The following FREM1 variants were observed in gnomAD, a reference collection of about 807,000 sequenced individuals.
FREM1 encodes the protein FRAS1-related extracellular matrix protein 1.
FREM1 carries 220 observed loss-of-function variants against 210.1 expected under a neutral mutation model. The ratio of observed to expected loss-of-function variants is 1.05; its 90% CI spans 0.94 to 1.17. The LOEUF is 1.17. Among genes scored for constraint, FREM1 ranks in the 50% most tolerant of loss-of-function variants. The pLI, the probability that FREM1 is intolerant of heterozygous loss-of-function variation, is 0.00. For synonymous variants in FREM1, 1,189 were observed against 980.2 expected (o/e 1.21, Z -3.98); for missense variants, 3,454 against 2,675.5 (o/e 1.29, Z -6.42).
chr9:14,776,235 T>G, intron 24 of FREM1, 32 bp from the exon 25 acceptor site: 1 of 1,506,294 alleles, frequency 6.6e-7, no homozygotes, highest in Non-Finnish European at 8.9e-7. Flanking sequence ...GCCTTCAGCA[T>G]GGATTCTTGT....
chr9:14,896,265 G>A (rs1000330690), intron 1 of FREM1, among the ~76,000 whole-genome samples: 3 of 152,292 alleles, frequency 2.0e-5, no homozygotes, highest in African/African-American at 4.8e-5. Context: ...GGAAGCATGG[G>A]CTGGGCCCCG....
chr9:14,866,437 T>A (rs948856522), intron 2 of FREM1, among the ~76,000 whole-genome samples: 2 of 151,544 alleles, frequency 1.3e-5, no homozygotes, highest in Non-Finnish European at 2.9e-5. Context: ...CGGTAAGGAG[T>A]CATAGGCCAT....
chr9:14,759,071 T>C (rs1298105330), intron 28 of FREM1, among the ~76,000 whole-genome samples: 1 of 152,198 alleles, frequency 6.6e-6, no homozygotes. Flanking sequence ...CCCCACAGAA[T>C]GTCTTGCATA....
intron 1 of FREM1, among the ~76,000 whole-genome samples, chr9:14,876,801 G>A (rs1290879597): frequency 6.6e-6 from 1 of 152,192 alleles, no homozygotes; most frequent in Admixed American, 6.5e-5. Context: ...GACTGGAGCT[G>A]TTCCTATTCA....
intron 17 of FREM1, 43 bp downstream of exon 17, chr9:14,807,897 C>G: frequency 7.3e-7 from 1 of 1,362,238 alleles, no homozygotes; most frequent in Non-Finnish European, 1.0e-6. Flanking sequence ...AGGTATGACA[C>G]TAGGTCAGAC....
In FREM1 at chr9:14,750,193, A is replaced by G. The variant is rs191837420; in HGVS notation, c.5491T>C (p.Ser1831Pro). The G allele has an allele frequency of 8.7e-6, 14 of 1,613,790 alleles. No individual in the cohort carries two copies. The East Asian group carries it at 3.1e-4, about 36-fold the overall frequency. ...GTGCCAAGAACTGCATTCACAGGGG[A>G]GTTCAGAATTACTTCAAAGACCTCA... ...DDEVFEVILN[S>P]PVNAVLGTKT... is the part of the protein sequence containing the mutation. The change falls in exon 30 of 37, where the codon TCC becomes CCC. Residue 1831 changes from serine to proline, a missense_variant. Coordinates refer to ENST00000380880, the MANE Select transcript of FREM1 (RefSeq NM_001379081.2).
At chr9:14,792,635 G>T in intron 22 of FREM1, 108 bp downstream of exon 22, 1 of 821,066 alleles carries the variant, frequency 1.2e-6, no homozygotes, top group Non-Finnish European at 1.8e-6. Context: ...CTACTTCTAG[G>T]CAAATATATG....
At chr9:14,892,655 G>T (rs1477088671) in intron 1 of FREM1, among the ~76,000 whole-genome samples, 2 of 152,038 alleles carry the variant, frequency 1.3e-5, no homozygotes, top group Non-Finnish European at 2.9e-5. Flanking sequence ...ACAGGATCAT[G>T]GGACATGGGG....
Position 14,813,055 on chromosome 9 carries a change from C to T in FREM1, c.2650G>A (p.Val884Ile), listed in dbSNP as rs749359554. 2.6e-5 allele frequency: 42 copies of T among 1,606,928 alleles called. No individual in the cohort carries two copies. In the Admixed American group the frequency reaches 6.4e-4, roughly 24 times the overall value. ...EFVLHVEVFP[V>I]NDEPPVLKAD... Reference sequence around the variant, plus strand: ...TTTAAGACTGGTGGCTCATCGTTGACAGGGAATACCTAGGCAATGGAAAAA... The same window carrying T: ...TTTAAGACTGGTGGCTCATCGTTGATAGGGAATACCTAGGCAATGGAAAAA... Residue 884 changes from valine (V) to isoleucine (I), a missense_variant, in exon 16 of 37, where the codon GTC (valine) becomes ATC (isoleucine). Transcript: ENST00000380880.
In FREM1 at chr9:14,756,456, GAA is replaced by G; in HGVS notation, c.5335-12_5335-11del. 6.6e-7 allele frequency: 1 copy of G among 1,523,624 alleles called. No individual in the cohort carries two copies. The highest frequency in any genetic ancestry group is 8.9e-7 in the Non-Finnish European group (1 of 1,118,666). 94.4% of individuals were successfully genotyped at this position (1,523,624 alleles called of 1,614,324 possible). A position where few individuals can be genotyped will look rare whatever the true frequency, so the allele number is the denominator to read the frequency against. ...CTGACACTTGGTTGACCTTAGGAGG[GAA>G]AAAAAAATCTTTTTAAGATAAAAAT... On this transcript the variant is annotated splice_polypyrimidine_tract_variant and intron_variant, in intron 28 of 36. Transcript: ENST00000380880.
In FREM1 at chr9:14,868,917, C is replaced by G; in HGVS notation, c.61G>C (p.Ala21Pro). ...TTGATGCTGATGAAGGTGGGGCTGG[C>G]CCAGGCCAGGAGGAGCAGCAGCAGC... is the stretch of plus-strand genomic sequence containing the variant. ...AVLLLLLLAW[A>P]SPTFISINRG... is the part of the protein sequence containing the mutation. The change falls in exon 2 of 37, where the codon GCC becomes CCC. Residue 21 changes from alanine to proline, a missense_variant. Transcript: ENST00000380880. 1 of 1,604,036 alleles carries G rather than the reference C, an allele frequency of 6.2e-7. No homozygotes were observed. The highest frequency in any genetic ancestry group is 8.5e-7 in the Non-Finnish European group (1 of 1,176,012).
chr9:14,828,989 G>A (rs1045336447), intron 10 of FREM1, among the ~76,000 whole-genome samples: 1 of 152,130 alleles, frequency 6.6e-6, no homozygotes, highest in African/African-American at 2.4e-5. Context: ...AGTAAGTTAA[G>A]CATAATACAA....
chr9:14,750,051 A>G, intron 30 of FREM1, 76 bp downstream of exon 30: 1 of 1,447,310 alleles, frequency 6.9e-7, no homozygotes, highest in Non-Finnish European at 9.6e-7. Context: ...GGTGTTATCA[A>G]GCACGTTGGC....
chr9:14,791,093 T>G (rs943516225), intron 22 of FREM1: 1 of 152,190 alleles, frequency 6.6e-6, no homozygotes, highest in Non-Finnish European at 1.5e-5. Context: ...GCAATGGGGA[T>G]GGTTGGTGGT....
intron 6 of FREM1, among the ~76,000 whole-genome samples, chr9:14,851,066 GCT>G (rs1252368382): frequency 1.3e-5 from 2 of 152,192 alleles, no homozygotes; most frequent in African/African-American, 4.8e-5. Flanking sequence ...TGAGGGGATG[GCT>G]CTTTCTTCAG....
intron 18 of FREM1, among the ~76,000 whole-genome samples, chr9:14,805,546 G>C (rs1273069365): frequency 6.6e-6 from 1 of 152,188 alleles, no homozygotes; most frequent in East Asian, 1.9e-4. Context: ...CGCAAAACAA[G>C]AGTCAATCAA....
At position 14,825,010 on chromosome 9, in the gene FREM1, G is replaced by C. The variant is rs774029886; in HGVS notation, c.1882-18C>G. On this transcript the variant is annotated intron_variant, in intron 10 of 36. Transcript: ENST00000380880. ...GTTGCCACCTGGAATAAAAATGTCT[G>C]TACCATTAATTTGAAATACCAAAAA... The C allele has an allele frequency of 3.9e-6, 6 of 1,540,130 alleles. No homozygotes were observed. The Admixed American group carries it at 1.4e-4, about 36-fold the overall frequency.
chr9:14,875,188 T>G (rs1004358375), intron 1 of FREM1, among the ~76,000 whole-genome samples: 12 of 152,280 alleles, frequency 7.9e-5, no homozygotes, highest in African/African-American at 2.9e-4. Context: ...GGTGTTCTCT[T>G]TATTTCCTGA....
rs375656922 is a variant in FREM1, at chr9:14,876,575, G to A, written c.-267-7331C>T. On this transcript the variant is annotated intron_variant, in intron 1 of 36. Transcript: ENST00000380880. ...GGAGTGACCCAATCTTCCAGGTGCC[G>A]TCTGTCACCCCTTTCTTTGACTAGG... Among the ~76,000 whole-genome samples, 45 of 152,200 alleles carry A rather than the reference G, an allele frequency of 3.0e-4. 1 individual carries two copies. Among genetic ancestry groups the A allele is most frequent in the African/African-American group, 7.2e-4 (30 of 41,542 alleles).
Sources: allele counts gnomAD v4.1 joint callset (sites outside exome capture counted in the v4.1 genomes callset), GRCh38; gene constraint gnomAD v4.1.1; transcripts MANE v1.5; gene names NCBI Gene and HGNC (gene_info 2026-07-23, HGNC 2026-07-21).